The following IL2RA variants were observed in gnomAD, a reference collection of about 807,000 sequenced individuals.
IL2RA encodes interleukin 2 receptor subunit alpha.
A neutral mutation model predicts 37.8 loss-of-function variants in IL2RA; 24 were observed. The observed-to-expected ratio is 0.63, with a 90% CI of 0.46 to 0.89. The LOEUF is 0.89. Ranked by LOEUF, IL2RA falls within the 40% of genes least tolerant of loss-of-function variation. IL2RA has a pLI of 0.00. For missense variants in IL2RA, 319 were observed against 348.6 expected, an observed-to-expected ratio of 0.92 and a Z score of 0.68; for synonymous variants, 125 against 114.6, an observed-to-expected ratio of 1.09 and a Z score of -0.58.
At chr10:6,038,608 T>C (rs907542116) in intron 1 of IL2RA, among the ~76,000 whole-genome samples, 6 of 152,238 alleles carry the variant, frequency 3.9e-5, no homozygotes, top group African/African-American at 1.4e-4. Flanking sequence ...TGCCCTCATG[T>C]CAGCCTTCTA....
rs971008800 is a variant in IL2RA at position 6,058,001 on chromosome 10, C to A, written c.64+4087G>T. ...ATTAGCCAGGCGTGGTGGCAGGTGCCTGTAATCCCAGCTACTTGGGGAGGC... is the reference window on the plus strand; with the variant it reads ...ATTAGCCAGGCGTGGTGGCAGGTGCATGTAATCCCAGCTACTTGGGGAGGC... On this transcript the variant is annotated intron_variant, in intron 1 of 7. Transcript: ENST00000379959. The surrounding 1 kb of genome is among the most constrained non-coding windows in gnomAD (Gnocchi z 4.2). Among the ~76,000 whole-genome samples, 1 of 152,170 alleles carries A rather than the reference C, an allele frequency of 6.6e-6. No homozygotes were observed. Among genetic ancestry groups the A allele is most frequent in the Non-Finnish European group, 1.5e-5 (1 of 68,028 alleles).
chr10:6,031,520 ATG>A (rs1213198468), intron 1 of IL2RA, among the ~76,000 whole-genome samples: 1,545 of 75,740 alleles, frequency 0.02, 51 homozygotes, highest in African/African-American at 0.059. Flanking sequence ...ATGTATATAT[ATG>A]TATATATATA....
chr10:6,051,753 A>G (rs1404429348), intron 1 of IL2RA, among the ~76,000 whole-genome samples: 2 of 136,630 alleles, frequency 1.5e-5, no homozygotes, highest in Non-Finnish European at 3.1e-5. Flanking sequence ...TCCTGACCTC[A>G]GGTGATCTGC....
chr10:6,039,277 A>T (rs1839735310), intron 1 of IL2RA: 1 of 152,264 alleles, frequency 6.6e-6, no homozygotes, highest in Admixed American at 6.5e-5. Context: ...CAAAAACATC[A>T]CTTCAAAATA....
intron 1 of IL2RA, among the ~76,000 whole-genome samples, chr10:6,040,321 G>T (rs1839752579): frequency 2.0e-5 from 3 of 152,170 alleles, no homozygotes; most frequent in Admixed American, 1.3e-4. Flanking sequence ...CATATTCTAA[G>T]AACTATTTAT....
intron 1 of IL2RA, among the ~76,000 whole-genome samples, chr10:6,026,802 G>T (rs764755070): frequency 6.6e-6 from 1 of 152,240 alleles, no homozygotes; most frequent in African/African-American, 2.4e-5. Context: ...GACAGGGACA[G>T]GAAGAGGCAG....
rs1839383520 is a variant in IL2RA, at chr10:6,021,333, CAGAATG to C, written c.583+139_583+144del. ...TCTATTTAAATTTTTTTTTTTTTCT[CAGAATG>C]AGAAAAAATGGAAGCCCAGGGAGAT... is the stretch of plus-strand genomic sequence containing the variant. On this transcript the variant is annotated intron_variant, in intron 4 of 7. Transcript: ENST00000379959. The surrounding 1 kb of genome is among the most constrained non-coding windows in gnomAD (Gnocchi z 4.9). 2.8e-6 allele frequency: 2 copies of C among 706,288 alleles called. No individual in the cohort carries two copies. The highest frequency in any genetic ancestry group is 4.8e-6 in the Non-Finnish European group (2 of 414,924). 43.8% of individuals were successfully genotyped at this position (706,288 alleles called of 1,614,324 possible).
At chr10:6,050,737 C>T (rs143318297) in intron 1 of IL2RA, among the ~76,000 whole-genome samples, 3 of 152,206 alleles carry the variant, frequency 2.0e-5, no homozygotes, top group Non-Finnish European at 2.9e-5. Flanking sequence ...AAGCAGAGCA[C>T]GCAGCAAGGC....
chr10:6,043,049 C>T (rs1040835641), intron 1 of IL2RA, among the ~76,000 whole-genome samples: 9 of 152,166 alleles, frequency 5.9e-5, no homozygotes, highest in Non-Finnish European at 8.8e-5. Context: ...TATGTGCACA[C>T]ATTCAAGGCT....
Position 6,036,912 on chromosome 10 carries a change from A to C in IL2RA, c.65-10887T>G, listed in dbSNP as rs572119213. 6.6e-6 allele frequency among the ~76,000 whole-genome samples: 1 copy of C among 152,270 alleles called. No individual in the cohort carries two copies. Among genetic ancestry groups the C allele is most frequent in the South Asian group, 2.1e-4 (1 of 4,822 alleles). ...GTGTGCAGAGCCCCCGGGATCTTGC[A>C]GACTGGGATTTGTCAGGGCAGGTGT... On this transcript the variant is annotated intron_variant, in intron 1 of 7. Transcript: ENST00000379959. The surrounding 1 kb of genome is among the most constrained non-coding windows in gnomAD (Gnocchi z 6.1).
Position 6,062,191 on chromosome 10 carries a change from G to A in IL2RA, c.-40C>T, listed in dbSNP as rs760443523. The A allele has an allele frequency of 4.5e-6, 7 of 1,566,584 alleles. No homozygotes were observed. In the Admixed American group the frequency reaches 6.7e-5, roughly 15 times the overall value. ...GGACCAGCCGGGGCAGTGAAGCGGA[G>A]GTCTTTCTCTGCAGAAGGCCCAGTT... On this transcript the variant is annotated 5_prime_UTR_variant, in exon 1 of 8. Transcript: ENST00000379959.
Position 6,020,542 on chromosome 10 carries a change from C to CT in IL2RA, c.584-602dup, listed in dbSNP as rs35567174. On this transcript the variant is annotated intron_variant, in intron 4 of 7. Coordinates refer to ENST00000379959, the MANE Select transcript of IL2RA (RefSeq NM_000417.3). This position sits in a 1 kb window ranked among gnomAD's most constrained non-coding sequence, Gnocchi z 5.6. ...AATACTTGTGGTTGAATGTAAGTCA[C>CT]TTTTTTTTTTTGAGACGGAGTCTTG... 0.45 allele frequency among the ~76,000 whole-genome samples: 67,694 copies of CT among 148,890 alleles called. 15,644 individuals carry two copies. Among genetic ancestry groups the CT allele is most frequent in the African/African-American group, 0.54 (21,829 of 40,702 alleles).
At chr10:6,059,927 TC>T (rs1276404925) in intron 1 of IL2RA, among the ~76,000 whole-genome samples, 2 of 152,318 alleles carry the variant, frequency 1.3e-5, no homozygotes, top group East Asian at 3.9e-4. Flanking sequence ...GGACTATATC[TC>T]CCTCATTTTT....
rs1839679579 is a variant in IL2RA, at chr10:6,036,189, G to C, written c.65-10164C>G. 6.6e-6 allele frequency: 1 copy of C among 152,184 alleles called. No homozygotes were observed. The highest frequency in any genetic ancestry group is 1.5e-5 in the Non-Finnish European group (1 of 68,054). 9.4% of individuals were successfully genotyped at this position (152,184 alleles called of 1,614,324 possible). Reference sequence around the variant, plus strand: ...GTCTCTTTGTGTGCCCGCTAGAAAGGGAAAAGCCAGGCATTTGTAGTCCTC... The same window carrying C: ...GTCTCTTTGTGTGCCCGCTAGAAAGCGAAAAGCCAGGCATTTGTAGTCCTC... On this transcript the variant is annotated intron_variant, in intron 1 of 7. Transcript: ENST00000379959. The surrounding 1 kb of genome is among the most constrained non-coding windows in gnomAD (Gnocchi z 6.1).
rs1285060400 is a variant in IL2RA, at chr10:6,056,720, C to T, written c.64+5368G>A. Among the ~76,000 whole-genome samples the T allele has an allele frequency of 6.6e-6, 1 of 151,914 alleles. No individual in the cohort carries two copies. Among genetic ancestry groups the T allele is most frequent in the African/African-American group, 2.4e-5 (1 of 41,342 alleles). On this transcript the variant is annotated intron_variant, in intron 1 of 7. Coordinates refer to ENST00000379959, the MANE Select transcript of IL2RA (RefSeq NM_000417.3). This position sits in a 1 kb window ranked among gnomAD's most constrained non-coding sequence, Gnocchi z 5.0. ...AGTGAGTTGAGATTGCACCACTGTG[C>T]TCTAGCCTGGGCGACAGAGCGAAAC...
At position 6,046,189 on chromosome 10, in the gene IL2RA, T is replaced by C. The variant is rs1196684907; in HGVS notation, c.64+15899A>G. On this transcript the variant is annotated intron_variant, in intron 1 of 7. Transcript: ENST00000379959. This position sits in a 1 kb window ranked among gnomAD's most constrained non-coding sequence, Gnocchi z 4.8. ...CGTTTTACACAAGACACACATTGCA[T>C]ACACTGTGTGTTGTTGACAGGGATC... 6.6e-6 allele frequency among the ~76,000 whole-genome samples: 1 copy of C among 152,220 alleles called. No individual in the cohort carries two copies. Among genetic ancestry groups the C allele is most frequent in the African/African-American group, 2.4e-5 (1 of 41,458 alleles).
At chr10:6,060,150 G>T (rs908963224) in intron 1 of IL2RA, among the ~76,000 whole-genome samples, 2 of 152,150 alleles carry the variant, frequency 1.3e-5, no homozygotes, top group Non-Finnish European at 2.9e-5. Context: ...CCTGTTCTTG[G>T]CTTAGACTGA....
chr10:6,029,217 T>G lies in IL2RA; in HGVS notation c.65-3192A>C, dbSNP rs1404982654. Among the ~76,000 whole-genome samples the G allele has an allele frequency of 6.6e-6, 1 of 151,070 alleles. No homozygotes were observed. The highest frequency in any genetic ancestry group is 1.5e-5 in the Non-Finnish European group (1 of 67,876). ...TTCGCTCTTGTTGCCCAGGCTGGAG[T>G]GCAATGGTGCAATCTTGACTCACTG... is the stretch of plus-strand genomic sequence containing the variant. On this transcript the variant is annotated intron_variant, in intron 1 of 7. Transcript: ENST00000379959. This position sits in a 1 kb window ranked among gnomAD's most constrained non-coding sequence, Gnocchi z 4.6.
At chr10:6,042,396 G>T (rs1004484998) in intron 1 of IL2RA, among the ~76,000 whole-genome samples, 4 of 151,918 alleles carry the variant, frequency 2.6e-5, no homozygotes, top group Non-Finnish European at 5.9e-5. Flanking sequence ...CCAATAGACA[G>T]TAGACACTGA....
Sources: gnomAD v4.1 joint callset for allele counts (sites outside exome capture counted in the v4.1 genomes callset) on GRCh38, gnomAD v4.1.1 for gene constraint, Gnocchi (gnomAD v3.1) non-coding constraint, MANE v1.5 for transcripts, NCBI Gene and HGNC (gene_info 2026-07-23, HGNC 2026-07-21) for gene names.